PUDP: variants seen among roughly 807,000 people sequenced by gnomAD.
PUDP encodes the protein pseudouridine 5'-phosphatase, also known as pseudouridine-5'-phosphatase.
A neutral mutation model predicts 9.4 loss-of-function variants in PUDP; 8 were observed. That is an observed-to-expected ratio of 0.85 (90% CI 0.50 to 1.53). The LOEUF (loss-of-function observed/expected upper bound fraction) is 1.53. Ranked by LOEUF, PUDP falls within the 40% of genes most tolerant of loss-of-function variation. The probability of loss-of-function intolerance (pLI) is 0.00; values close to 1 mark genes in which losing one functional copy is unlikely to be tolerated. For synonymous variants in PUDP, 99 were observed against 80.7 expected (o/e 1.23, Z -1.22); for missense variants, 188 against 189.7 (o/e 0.99, Z 0.05).
chrX:7,016,612 G>T (rs779957429), intron 1 of PUDP, among the ~76,000 whole-genome samples: 1 of 111,125 alleles, frequency 9.0e-6, no homozygotes, highest in East Asian at 2.8e-4. Context: ...CTTTCTCTAT[G>T]ACCTCCAGCC....
intron 3 of PUDP, among the ~76,000 whole-genome samples, chrX:6,790,725 G>A (rs902380537): frequency 4.5e-5 from 5 of 112,308 alleles, no homozygotes; most frequent in African/African-American, 1.6e-4. Flanking sequence ...CTAACTCATG[G>A]TGGAAAATAG....
chrX:7,058,244 G>C (rs1322240945), intron 3 of PUDP, among the ~76,000 whole-genome samples: 1 of 112,252 alleles, frequency 8.9e-6, no homozygotes, highest in Non-Finnish European at 1.9e-5. Context: ...GAACTAGTGA[G>C]CTTTCCAAAT....
intron 1 of PUDP, among the ~76,000 whole-genome samples, chrX:6,998,255 G>A (rs1929276952): frequency 9.0e-6 from 1 of 111,337 alleles, no homozygotes. Flanking sequence ...GGGATGACGA[G>A]ATAATAATGC....
At chrX:6,867,132 T>C (rs1927099011) in intron 3 of PUDP, among the ~76,000 whole-genome samples, 1 of 111,638 alleles carries the variant, frequency 9.0e-6, no homozygotes, top group African/African-American at 3.3e-5. Context: ...TTTTCCATTT[T>C]CCAATTGCTG....
chrX:6,846,409 CAAAAAAA>C (rs55712277), intron 3 of PUDP, among the ~76,000 whole-genome samples: 1 of 63,430 alleles, frequency 1.6e-5, no homozygotes, highest in African/African-American at 5.7e-5. Context: ...GACTCCCTCT[CAAAAAAA>C]AAAAAAAAAA....
intron 3 of PUDP, among the ~76,000 whole-genome samples, chrX:6,860,014 A>C (rs1328380514): frequency 1.8e-5 from 2 of 112,457 alleles, no homozygotes; most frequent in African/African-American, 6.5e-5. Flanking sequence ...ACAATTATAG[A>C]GGTAGATATT....
chrX:6,873,987 A>G (rs780302893), intron 3 of PUDP, among the ~76,000 whole-genome samples: 1 of 111,221 alleles, frequency 9.0e-6, no homozygotes, highest in African/African-American at 3.3e-5. Flanking sequence ...TTAGCCAGGT[A>G]TGGTGGTGCA....
intron 3 of PUDP, among the ~76,000 whole-genome samples, chrX:6,771,961 A>G (rs1925371366): frequency 8.9e-6 from 1 of 112,885 alleles, no homozygotes; most frequent in Non-Finnish European, 1.9e-5. Flanking sequence ...ACCCTCAACA[A>G]AAAGATCCTG....
At chrX:6,890,426 A>C (rs754517654) in intron 3 of PUDP, among the ~76,000 whole-genome samples, 1 of 112,046 alleles carries the variant, frequency 8.9e-6, no homozygotes, top group African/African-American at 3.2e-5. Context: ...AGCAGTTTTG[A>C]GGTCATTTGC....
chrX:7,026,222 G>A (rs1025852001), intron 1 of PUDP, among the ~76,000 whole-genome samples: 4 of 112,018 alleles, frequency 3.6e-5, no homozygotes, highest in African/African-American at 9.7e-5. Flanking sequence ...CGGTAGTGAT[G>A]GGAAGAAAAG....
intron 3 of PUDP, among the ~76,000 whole-genome samples, chrX:6,946,971 GT>G (rs58707505): frequency 0.013 from 1,110 of 82,725 alleles, 17 homozygotes; most frequent in African/African-American, 0.042. Context: ...TATATTGTCT[GT>G]TTTTTTTTGT....
chrX:6,829,627 C>T (rs1366070997), intron 3 of PUDP, among the ~76,000 whole-genome samples: 1 of 111,780 alleles, frequency 8.9e-6, no homozygotes, highest in South Asian at 3.7e-4. Flanking sequence ...TTCCTGACAA[C>T]CTGTTATATA....
At chrX:6,787,481 C>G (rs958770918) in intron 3 of PUDP, among the ~76,000 whole-genome samples, 3 of 112,110 alleles carry the variant, frequency 2.7e-5, no homozygotes, top group Admixed American at 1.9e-4. Context: ...ATTTCTCTGT[C>G]TCTTGTCATA....
At chrX:6,915,005 T>G (rs1927908485) in intron 3 of PUDP, among the ~76,000 whole-genome samples, 1 of 112,369 alleles carries the variant, frequency 8.9e-6, no homozygotes, top group Admixed American at 9.4e-5. Context: ...TTTCCATGTA[T>G]AGCAACATAA....
At chrX:7,117,047 G>A in intron 1 of PUDP, 1 of 1,165,904 alleles carries the variant, frequency 8.6e-7, no homozygotes, top group Non-Finnish European at 1.1e-6. Flanking sequence ...GCAGAAATGT[G>A]AGCCAATTAA....
chrX:6,801,663 C>T (rs778650035), intron 3 of PUDP, among the ~76,000 whole-genome samples: 19 of 112,117 alleles, frequency 1.7e-4, no homozygotes, highest in Middle Eastern at 4.7e-3. Flanking sequence ...TGGCCACCAG[C>T]GTTCTGAATC....
At chrX:6,887,217 ATAT>A (rs1927442862) in intron 3 of PUDP, among the ~76,000 whole-genome samples, 1 of 106,131 alleles carries the variant, frequency 9.4e-6, no homozygotes. Context: ...ACAAATAAAT[ATAT>A]TATTGTATGC....
chrX:6,895,350 T>A (rs1341153801), intron 3 of PUDP, among the ~76,000 whole-genome samples: 3 of 105,093 alleles, frequency 2.9e-5, no homozygotes, highest in Non-Finnish European at 5.8e-5. Flanking sequence ...ATTACTATAA[T>A]ATCTAATATT....
intron 1 of PUDP, among the ~76,000 whole-genome samples, chrX:6,987,096 AC>A (rs75512713): frequency 2.1e-4 from 24 of 112,138 alleles, no homozygotes; most frequent in East Asian, 2.0e-3. Flanking sequence ...ACTGGAAATC[AC>A]CAGCCAAGAA....
Sources: allele counts gnomAD v4.1 joint callset (sites outside exome capture counted in the v4.1 genomes callset), GRCh38; gene constraint gnomAD v4.1.1; transcripts MANE v1.5; gene names NCBI Gene and HGNC (gene_info 2026-07-23, HGNC 2026-07-21).